EML1: variants seen among roughly 807,000 people sequenced by gnomAD.
EML1 encodes EMAP like 1, also known as echinoderm microtubule-associated protein-like 1.
A neutral mutation model predicts 110.4 loss-of-function variants in EML1; 27 were observed. The observed-to-expected ratio is 0.24, with a 90% CI of 0.18 to 0.34. The LOEUF (loss-of-function observed/expected upper bound fraction) is 0.34, where lower values mean the gene tolerates loss of function less well. Ranked by LOEUF, EML1 falls within the 10% of genes least tolerant of loss-of-function variation. The pLI is 1.00. For missense variants in EML1, 741 were observed against 1,030.9 expected, an observed-to-expected ratio of 0.72 and a Z score of 3.85; for synonymous variants, 344 against 385.8, an observed-to-expected ratio of 0.89 and a Z score of 1.27.
At chr14:99,879,265 TATATA>T (rs1430314655) in intron 4 of EML1, among the ~76,000 whole-genome samples, 3 of 152,216 alleles carry the variant, frequency 2.0e-5, no homozygotes, top group Admixed American at 1.3e-4. Flanking sequence ...GTTTTGTGTC[TATATA>T]ATATATTTAT....
chr14:99,813,042 C>G (rs910423229), intron 1 of EML1, among the ~76,000 whole-genome samples: 1 of 152,140 alleles, frequency 6.6e-6, no homozygotes, highest in Non-Finnish European at 1.5e-5. Flanking sequence ...GGGTGCCACC[C>G]TTTGAAATGT....
chr14:99,815,057 T>A (rs2058144078), intron 1 of EML1, among the ~76,000 whole-genome samples: 1 of 151,698 alleles, frequency 6.6e-6, no homozygotes, highest in Admixed American at 6.6e-5. Context: ...CCCATACTCG[T>A]GGCTTGAGCA....
chr14:99,857,567 C>T (rs1432331213), intron 2 of EML1, among the ~76,000 whole-genome samples: 1 of 152,180 alleles, frequency 6.6e-6, no homozygotes, highest in African/African-American at 2.4e-5. Context: ...CACCCATGAG[C>T]GGTCATTTCC....
chr14:99,853,715 G>A (rs1324010989), intron 2 of EML1, among the ~76,000 whole-genome samples: 2 of 152,180 alleles, frequency 1.3e-5, no homozygotes, highest in East Asian at 3.8e-4. Context: ...TGTCACCCAA[G>A]CTGGAGTGCA....
Position 99,911,416 on chromosome 14 carries a change from G to T in EML1, c.1340-6G>T. 1 of 1,586,066 alleles carries T rather than the reference G, an allele frequency of 6.3e-7. No individual in the cohort carries two copies. The highest frequency in any genetic ancestry group is 8.5e-7 in the Non-Finnish European group (1 of 1,172,994). On this transcript the variant is annotated splice_region_variant and splice_polypyrimidine_tract_variant and intron_variant, in intron 12 of 21. Coordinates refer to ENST00000262233, the MANE Select transcript of EML1 (RefSeq NM_004434.3). ...GTGCTAATGATGGTTTTCTTGGTGT[G>T]TTTAGGTACAAATCGAATAAGCTAT...
chr14:99,818,280 G>C (rs773621296), intron 1 of EML1, among the ~76,000 whole-genome samples: 19 of 152,196 alleles, frequency 1.2e-4, no homozygotes, highest in Non-Finnish European at 2.4e-4. Flanking sequence ...GGAGTGATGA[G>C]AGTGATGGAT....
chr14:99,791,998 T>C (rs1462956966), upstream of EML1, among the ~76,000 whole-genome samples: 1 of 152,222 alleles, frequency 6.6e-6, no homozygotes, highest in African/African-American at 2.4e-5. Flanking sequence ...CCCTTCAGCC[T>C]TCACTCACAA....
chr14:99,768,003 G>T (rs1409896535), upstream of EML1, among the ~76,000 whole-genome samples: 1 of 152,178 alleles, frequency 6.6e-6, no homozygotes, highest in African/African-American at 2.4e-5. Flanking sequence ...GTAAATGCTT[G>T]CCAGGTCCCA....
At position 99,912,875 on chromosome 14, in the gene EML1, C is replaced by T. The variant is rs149645057; in HGVS notation, c.1494+1299C>T. Among the ~76,000 whole-genome samples, 1,351 of 152,312 alleles carry T rather than the reference C, an allele frequency of 8.9e-3. 76 individuals carry two copies. The highest frequency in any genetic ancestry group is 0.081 in the Admixed American group (1,239 of 15,294). ...CCTCATTAGCATGGGTCATCATCAA[C>T]TTGACTCAAATCTGTGCTAACATGC... is the stretch of plus-strand genomic sequence containing the variant. On this transcript the variant is annotated intron_variant, in intron 13 of 21. Transcript: ENST00000262233.
intron 1 of EML1, among the ~76,000 whole-genome samples, chr14:99,777,810 T>C (rs997814123): frequency 7.9e-5 from 12 of 152,118 alleles, no homozygotes; most frequent in Admixed American, 7.9e-4. Context: ...TTTTGTTTTG[T>C]TTTTTTGTTT....
chr14:99,868,010 G>A (rs1473233882), intron 3 of EML1, among the ~76,000 whole-genome samples: 1 of 152,060 alleles, frequency 6.6e-6, no homozygotes, highest in Admixed American at 6.5e-5. Flanking sequence ...CTAGTTTGTT[G>A]TGTTTTTTTA....
chr14:99,871,517 GAA>G (rs78957951), intron 3 of EML1, among the ~76,000 whole-genome samples: 5 of 125,610 alleles, frequency 4.0e-5, no homozygotes, highest in African/African-American at 5.9e-5. Context: ...TGTCTCAAAG[GAA>G]AAAAAAAAAA....
chr14:99,873,581 G>A (rs2059240302), intron 3 of EML1, among the ~76,000 whole-genome samples: 1 of 152,204 alleles, frequency 6.6e-6, no homozygotes, highest in African/African-American at 2.4e-5. Flanking sequence ...AAGACCTGCG[G>A]GACCTGTCCC....
intron 1 of EML1, among the ~76,000 whole-genome samples, chr14:99,826,313 A>G (rs907542074): frequency 1.3e-5 from 2 of 151,952 alleles, no homozygotes; most frequent in Non-Finnish European, 2.9e-5. Context: ...GGGTTTTGCC[A>G]TGTTGGCCAG....
chr14:99,798,443 A>C (rs1366106672), intron 1 of EML1, among the ~76,000 whole-genome samples: 2 of 141,666 alleles, frequency 1.4e-5, no homozygotes, highest in African/African-American at 5.4e-5. Flanking sequence ...CCCAGGCTGG[A>C]GTGCAGTGGT....
intron 17 of EML1, among the ~76,000 whole-genome samples, chr14:99,924,424 C>T (rs1275801537): frequency 6.6e-6 from 1 of 152,148 alleles, no homozygotes; most frequent in Non-Finnish European, 1.5e-5. Context: ...ATGTTTCTTC[C>T]TATATATACT....
intron 1 of EML1, chr14:99,850,144 G>A (rs2058770701): frequency 4.7e-6 from 2 of 424,976 alleles, no homozygotes; most frequent in Admixed American, 5.7e-5. Flanking sequence ...TTGTCATGTT[G>A]CCTAGGCTGA....
chr14:99,800,399 T>A (rs1280367173), intron 1 of EML1, among the ~76,000 whole-genome samples: 1 of 152,196 alleles, frequency 6.6e-6, no homozygotes, highest in East Asian at 1.9e-4. Context: ...GGTCTCACTC[T>A]GTTGCCCAGG....
At chr14:99,927,800 T>G (rs1020033521) in intron 17 of EML1, among the ~76,000 whole-genome samples, 7 of 1,460 alleles carry the variant, frequency 4.8e-3, no homozygotes, top group Non-Finnish European at 5.5e-3. Context: ...GTATTGGTGG[T>G]GGGGGGGGTG....
Sources: allele counts gnomAD v4.1 joint callset (sites outside exome capture counted in the v4.1 genomes callset), GRCh38; gene constraint gnomAD v4.1.1; transcripts MANE v1.5; gene names NCBI Gene and HGNC (gene_info 2026-07-23, HGNC 2026-07-21).